COX7C: variants seen among roughly 807,000 people sequenced by gnomAD.
COX7C encodes the protein cytochrome c oxidase subunit 7C, mitochondrial.
A neutral mutation model predicts 6.4 loss-of-function variants in COX7C; 1 was observed. The ratio of observed to expected loss-of-function variants is 0.16; its 90% confidence interval spans 0.06 to 0.74. The LOEUF is 0.74. Among genes scored for constraint, COX7C ranks in the 30% least tolerant of loss-of-function variants. The pLI, the probability that COX7C is intolerant of heterozygous loss-of-function variation, is 0.78. For missense variants in COX7C, 54 were observed against 73.7 expected (o/e 0.73, Z 0.98); for synonymous variants, 24 against 28.9 (o/e 0.83, Z 0.54).
chr5:86,618,556 C>T (rs528128440), intron 1 of COX7C, among the ~76,000 whole-genome samples: 13 of 152,300 alleles, frequency 8.5e-5, no homozygotes, highest in African/African-American at 2.6e-4. Flanking sequence ...GAAGTACTAA[C>T]CCTTCACCTC....
intron 1 of COX7C, 141 bp downstream of exon 1, chr5:86,618,271 G>C (rs748519181): frequency 1.3e-6 from 1 of 752,138 alleles, no homozygotes; most frequent in Non-Finnish European, 2.3e-6. Flanking sequence ...ATTCCACTTA[G>C]CCCAAGGACC....
chr5:86,618,807 T>C (rs1387808316), intron 1 of COX7C, among the ~76,000 whole-genome samples: 1 of 151,946 alleles, frequency 6.6e-6, no homozygotes, highest in Non-Finnish European at 1.5e-5. Flanking sequence ...GGCGAAACCC[T>C]GTCTCTACTA....
At position 86,620,895 on chromosome 5, in the gene COX7C, T is replaced by C. The variant is rs1488794544; in HGVS notation, c.*255T>C. 1 of 153,558 alleles carries C rather than the reference T, an allele frequency of 6.5e-6. No individual in the cohort carries two copies. 9.5% of individuals were successfully genotyped at this position (153,558 alleles called of 1,614,324 possible). A position where few individuals can be genotyped will look rare whatever the true frequency, so the allele number is the denominator to read the frequency against. ...TTAATGGTGTTAAACTGAGGTTATA[T>C]TAAATTTTTGATTCCCAGGTCAGGA... On this transcript the variant is annotated 3_prime_UTR_variant, in exon 3 of 3. Transcript: ENST00000247655.
chr5:86,619,596 G>C (rs557274649), intron 2 of COX7C, 100 bp downstream of exon 2: 1 of 693,562 alleles, frequency 1.4e-6, no homozygotes, highest in African/African-American at 1.8e-5. Context: ...GTTGTGTAGG[G>C]CTGATTCCTG....
Position 86,620,653 on chromosome 5 carries a change from G to A in COX7C, c.*28-15G>A, listed in dbSNP as rs1289975242. 2 of 437,892 alleles carry A rather than the reference G, an allele frequency of 4.6e-6. No individual in the cohort carries two copies. The highest frequency in any genetic ancestry group is 3.2e-5 in the South Asian group (2 of 62,702). The allele number at this position is 437,892 out of a possible 1,614,324, so 27.1% of individuals were successfully genotyped here. A position where few individuals can be genotyped will look rare whatever the true frequency, so the allele number is the denominator to read the frequency against. On this transcript the variant is annotated splice_polypyrimidine_tract_variant and intron_variant, in intron 2 of 2. Coordinates refer to ENST00000247655, the MANE Select transcript of COX7C (RefSeq NM_001867.3). The stretch of plus-strand genomic sequence containing the variant: ...GATTTTTAAAATGCCATTAATTTCT[G>A]TTTTTATTTTGCAGATATGAAGAGC...
At position 86,618,203 on chromosome 5, in the gene COX7C, C is replaced by T. The variant is rs2112176015; in HGVS notation, c.75+73C>T. On this transcript the variant is annotated intron_variant, in intron 1 of 2. Coordinates refer to ENST00000247655, the MANE Select transcript of COX7C (RefSeq NM_001867.3). ...TGTGACTCGCGCACCTGCAAGGCCG[C>T]CTCCGGGCTGTGGCGTGGGAGATGA... 9 of 1,405,954 alleles carry T rather than the reference C, an allele frequency of 6.4e-6. No individual in the cohort carries two copies. The South Asian group carries it at 1.1e-4, about 16-fold the overall frequency. 87.1% of individuals were successfully genotyped at this position (1,405,954 alleles called of 1,614,324 possible).
Position 86,619,471 on chromosome 5 carries a change from G to T in COX7C, c.*2G>T. ...AGACACCAACTGCTTAAAACATAAGGATGTTTCAGTTCCTCCATTTAACAG... is the reference window on the plus strand; with the variant it reads ...AGACACCAACTGCTTAAAACATAAGTATGTTTCAGTTCCTCCATTTAACAG... On this transcript the variant is annotated 3_prime_UTR_variant, in exon 2 of 3. Coordinates refer to ENST00000247655, the MANE Select transcript of COX7C (RefSeq NM_001867.3). 1.3e-6 allele frequency: 2 copies of T among 1,572,690 alleles called. No homozygotes were observed. The highest frequency in any genetic ancestry group is 8.8e-7 in the Non-Finnish European group (1 of 1,142,416).
At chr5:86,620,155 C>G (rs1430504506) in intron 2 of COX7C, 1 of 152,282 alleles carries the variant, frequency 6.6e-6, no homozygotes, top group African/African-American at 2.4e-5. Flanking sequence ...GAAACTCAAA[C>G]TTTTAAATAT....
chr5:86,619,427 T>G lies in COX7C; in HGVS notation c.150T>G (p.Ala50=), dbSNP rs566656350. 6.2e-7 allele frequency: 1 copy of G among 1,613,774 alleles called. No individual in the cohort carries two copies. The highest frequency in any genetic ancestry group is 2.2e-5 in the East Asian group (1 of 44,850). Residue 50 remains alanine, a synonymous_variant, in exon 2 of 3, where the codon GCT becomes GCG. Transcript: ENST00000247655. ...GTTTGTACTTTGGATCTGCATTTGCTACACCCTTCCTTGTAGTAAGACACC... is the reference window on the plus strand; with the variant it reads ...GTTTGTACTTTGGATCTGCATTTGCGACACCCTTCCTTGTAGTAAGACACC... ...KMCLYFGSAF[A]TPFLVVRHQL...
intron 1 of COX7C, 156 bp downstream of exon 1, chr5:86,618,286 A>T (rs1198970763): frequency 4.4e-6 from 3 of 684,252 alleles, no homozygotes; most frequent in Non-Finnish European, 7.6e-6. Context: ...AGGACCAGTG[A>T]GGAAGCTGGG....
intron 2 of COX7C, 174 bp downstream of exon 2, chr5:86,619,670 A>C: frequency 2.0e-6 from 1 of 508,528 alleles, no homozygotes; most frequent in Non-Finnish European, 3.5e-6. Flanking sequence ...ATATTTCAAT[A>C]ATGGCCAGTG....
chr5:86,618,434 G>A, intron 1 of COX7C: 1 of 355,882 alleles, frequency 2.8e-6, no homozygotes, highest in South Asian at 3.3e-5. Flanking sequence ...AGGTGTGTTG[G>A]TTAAATCCGA....
intron 2 of COX7C, chr5:86,620,327 C>T (rs938032640): frequency 6.3e-6 from 1 of 158,308 alleles, no homozygotes; most frequent in Non-Finnish European, 1.4e-5. Flanking sequence ...TTAATATATG[C>T]TCAAAGGAGT....
At chr5:86,618,189 C>T (rs1750038079) in intron 1 of COX7C, 59 bp downstream of exon 1, 3 of 1,524,848 alleles carry the variant, frequency 2.0e-6, no homozygotes. Context: ...GTGACTCGCG[C>T]ACCTGCAAGG....
chr5:86,619,523 A>G (rs1466599616), intron 2 of COX7C, 27 bp downstream of exon 2: 3 of 1,174,694 alleles, frequency 2.6e-6, no homozygotes. Context: ...TAATCATGTT[A>G]AAGCAGGCCT....
chr5:86,618,187 C>A, intron 1 of COX7C, 57 bp downstream of exon 1: 1 of 1,540,822 alleles, frequency 6.5e-7, no homozygotes, highest in African/African-American at 1.4e-5. Flanking sequence ...CTGTGACTCG[C>A]GCACCTGCAA....
At chr5:86,618,218 G>C (rs1750038491) in intron 1 of COX7C, 88 bp downstream of exon 1, 2 of 1,239,680 alleles carry the variant, frequency 1.6e-6, no homozygotes, top group Non-Finnish European at 2.4e-6. Flanking sequence ...GGGCTGTGGC[G>C]TGGGAGATGA....
chr5:86,620,960 C>T lies in COX7C; in HGVS notation c.*320C>T, dbSNP rs551029920. 2.0e-5 allele frequency: 3 copies of T among 151,620 alleles called. No individual in the cohort carries two copies. In the East Asian group the frequency reaches 5.8e-4, roughly 29 times the overall value. 9.4% of individuals were successfully genotyped at this position (151,620 alleles called of 1,614,324 possible). ...TATATAATAAAAGGGAAATACAAAT[C>T]GATCTTAGGTTTATTTCTATGATTT... On this transcript the variant is annotated 3_prime_UTR_variant, in exon 3 of 3. Coordinates refer to ENST00000247655, the MANE Select transcript of COX7C (RefSeq NM_001867.3).
chr5:86,619,030 T>C (rs1325410963), intron 1 of COX7C, among the ~76,000 whole-genome samples: 1 of 151,528 alleles, frequency 6.6e-6, no homozygotes, highest in Non-Finnish European at 1.5e-5. Context: ...AACATTGCCA[T>C]GTATCTTCTA....
Sources: gnomAD v4.1 joint callset for allele counts (sites outside exome capture counted in the v4.1 genomes callset) on GRCh38, gnomAD v4.1.1 for gene constraint, MANE v1.5 for transcripts, NCBI Gene and HGNC (gene_info 2026-07-23, HGNC 2026-07-21) for gene names.